Variants in LARGE1 observed in about 807,000 individuals in gnomAD.
The protein encoded by LARGE1 is LARGE xylosyl- and glucuronyltransferase 1.
LARGE1 carries 43 observed loss-of-function variants against 87.6 expected under a neutral mutation model. The ratio of observed to expected loss-of-function variants is 0.49; its 90% CI spans 0.38 to 0.63. The LOEUF (loss-of-function observed/expected upper bound fraction) is 0.63. Among genes scored for constraint, LARGE1 ranks in the 30% least tolerant of loss-of-function variants. The pLI is 0.00. For missense variants in LARGE1, 802 were observed against 1,000.2 expected, an observed-to-expected ratio of 0.80 and a Z score of 2.67; for synonymous variants, 434 against 394.6, an observed-to-expected ratio of 1.10 and a Z score of -1.18.
chr22:33,718,138 C>T (rs1304268989), intron 2 of LARGE1, among the ~76,000 whole-genome samples: 2 of 152,156 alleles, frequency 1.3e-5, no homozygotes, highest in South Asian at 2.1e-4. Context: ...CCAAATATGC[C>T]GTTATTTACT....
At chr22:33,201,379 A>G (rs1285105432) in intron 11 of LARGE1, among the ~76,000 whole-genome samples, 1 of 151,376 alleles carries the variant, frequency 6.6e-6, no homozygotes, top group Admixed American at 6.6e-5. Context: ...AGGAAGGAAG[A>G]AAGAAAGGAA....
At chr22:33,871,316 AC>A (rs1260619144) in intron 1 of LARGE1, among the ~76,000 whole-genome samples, 8 of 152,244 alleles carry the variant, frequency 5.3e-5, no homozygotes, top group Non-Finnish European at 1.2e-4. Context: ...CTCCTGTCTT[AC>A]AAAGCTTTTA....
chr22:33,460,692 G>C (rs542097362), intron 6 of LARGE1, among the ~76,000 whole-genome samples: 1 of 152,052 alleles, frequency 6.6e-6, no homozygotes, highest in Non-Finnish European at 1.5e-5. Context: ...GGTTTTAATG[G>C]GGCAAACACA....
In LARGE1 at chr22:33,748,040, A is replaced by AG. The variant is rs1183106789; in HGVS notation, c.106+13330_106+13331insC. Reference sequence around the variant, plus strand: ...CTGCTGGAGCAAAAAAAAAAAAAAAAAAAAAAAAAAAAGCCAACTATCCAT... The same window carrying AG: ...CTGCTGGAGCAAAAAAAAAAAAAAAAGAAAAAAAAAAAAGCCAACTATCCAT... On this transcript the variant is annotated intron_variant, in intron 2 of 14. Coordinates refer to ENST00000397394, the MANE Select transcript of LARGE1 (RefSeq NM_133642.5). Among the ~76,000 whole-genome samples the AG allele has an allele frequency of 3.3e-5, 5 of 150,080 alleles. No individual in the cohort carries two copies. The East Asian group carries it at 9.7e-4, about 29-fold the overall frequency.
At chr22:33,689,145 G>GTCTCTCTCTCTCTCTCTC (rs3072287) in intron 2 of LARGE1, among the ~76,000 whole-genome samples, 2 of 147,616 alleles carry the variant, frequency 1.4e-5, no homozygotes, top group East Asian at 4.0e-4. Flanking sequence ...CAAATTTACT[G>GTCTCTCTCTCTCTCTCTC]TCTCTCTCTC....
chr22:33,698,708 C>T (rs998584691), intron 2 of LARGE1, among the ~76,000 whole-genome samples: 1 of 152,202 alleles, frequency 6.6e-6, no homozygotes, highest in African/African-American at 2.4e-5. Context: ...TCCACTCATC[C>T]AGCCCAGCTG....
At chr22:33,577,112 G>T (rs547892533) in intron 5 of LARGE1, among the ~76,000 whole-genome samples, 2 of 152,132 alleles carry the variant, frequency 1.3e-5, no homozygotes, top group South Asian at 4.2e-4. Context: ...TTTTGTTTCT[G>T]TTACCATAAA....
At chr22:33,305,356 AT>A (rs1934736558) in intron 11 of LARGE1, among the ~76,000 whole-genome samples, 1 of 141,820 alleles carries the variant, frequency 7.1e-6, no homozygotes, top group Non-Finnish European at 1.5e-5. Context: ...CAGGGAAAAA[AT>A]TAAAAAAAAA....
chr22:33,636,710 T>C (rs1163797695), intron 3 of LARGE1, among the ~76,000 whole-genome samples: 1 of 151,984 alleles, frequency 6.6e-6, no homozygotes, highest in Non-Finnish European at 1.5e-5. Flanking sequence ...GTATTTTTTT[T>C]TTGGAGAGAT....
chr22:33,237,743 TC>T (rs1429234112), intron 11 of LARGE1, among the ~76,000 whole-genome samples: 3 of 152,176 alleles, frequency 2.0e-5, no homozygotes, highest in African/African-American at 7.2e-5. Context: ...GTGGGTTCCA[TC>T]CTTGAAGTAG....
At chr22:33,174,556 T>C (rs909996137) in intron 11 of LARGE1, among the ~76,000 whole-genome samples, 1 of 152,120 alleles carries the variant, frequency 6.6e-6, no homozygotes, top group African/African-American at 2.4e-5. Context: ...CAGCAGCTGC[T>C]TTTTTGAAAA....
intron 11 of LARGE1, among the ~76,000 whole-genome samples, chr22:33,309,170 C>CT (rs560481122): frequency 0.024 from 3,427 of 140,274 alleles, 122 homozygotes; most frequent in African/African-American, 0.08. Context: ...AGATTCGTGC[C>CT]TTTTTTTTTT....
chr22:33,187,456 G>C (rs1923534868), intron 11 of LARGE1, among the ~76,000 whole-genome samples: 1 of 152,188 alleles, frequency 6.6e-6, no homozygotes, highest in Non-Finnish European at 1.5e-5. Flanking sequence ...TAGAAGCAGA[G>C]AGTAGAATTG....
At chr22:33,335,710 C>T (rs959219080) in intron 10 of LARGE1, among the ~76,000 whole-genome samples, 4 of 152,258 alleles carry the variant, frequency 2.6e-5, no homozygotes, top group African/African-American at 4.8e-5. Context: ...TTCCACACCC[C>T]GAACCTGTCC....
chr22:33,380,038 T>G (rs1258137859), intron 9 of LARGE1, among the ~76,000 whole-genome samples: 1 of 152,260 alleles, frequency 6.6e-6, no homozygotes, highest in East Asian at 1.9e-4. Flanking sequence ...TGACATCCAG[T>G]TGCTCTTTGC....
intron 2 of LARGE1, among the ~76,000 whole-genome samples, chr22:33,698,404 G>A (rs929758825): frequency 6.6e-6 from 1 of 151,470 alleles, no homozygotes; most frequent in Non-Finnish European, 1.5e-5. Flanking sequence ...AGTTTCAAGC[G>A]ATTCTCTTGC....
At chr22:33,784,362 T>C (rs2050439098) in intron 1 of LARGE1, among the ~76,000 whole-genome samples, 1 of 152,126 alleles carries the variant, frequency 6.6e-6, no homozygotes, top group Non-Finnish European at 1.5e-5. Context: ...AGCAATTTGC[T>C]CGAAGTCACA....
intron 1 of LARGE1, among the ~76,000 whole-genome samples, chr22:33,816,719 G>GATAGAT (rs1479608789): frequency 6.6e-6 from 1 of 150,530 alleles, no homozygotes; most frequent in Non-Finnish European, 1.5e-5. Flanking sequence ...CAGACAGACA[G>GATAGAT]ACAGACAGAC....
At chr22:33,705,667 T>A (rs764309051) in intron 2 of LARGE1, among the ~76,000 whole-genome samples, 1 of 152,244 alleles carries the variant, frequency 6.6e-6, no homozygotes, top group Non-Finnish European at 1.5e-5. Context: ...AACTCCATTG[T>A]ATCTGCTGAA....
Sources: gnomAD v4.1 joint callset for allele counts (sites outside exome capture counted in the v4.1 genomes callset) on GRCh38, gnomAD v4.1.1 for gene constraint, MANE v1.5 for transcripts, NCBI Gene and HGNC (gene_info 2026-07-23, HGNC 2026-07-21) for gene names.